The following FAT3 variants were observed in gnomAD, a reference collection of about 807,000 sequenced individuals.
FAT3 encodes protocadherin Fat 3.
FAT3 carries 95 observed loss-of-function variants against 310.2 expected under a neutral mutation model. The observed-to-expected ratio is 0.31, with a 90% CI of 0.26 to 0.36. The LOEUF (loss-of-function observed/expected upper bound fraction) is 0.36. FAT3 is among the 10% of genes least tolerant of loss of function. The probability of loss-of-function intolerance (pLI) is 1.00; values close to 1 mark genes in which losing one functional copy is unlikely to be tolerated. For synonymous variants in FAT3, 2,314 were observed against 2,192.9 expected, an observed-to-expected ratio of 1.06 and a Z score of -1.54; for missense variants, 5,408 against 5,715.6, an observed-to-expected ratio of 0.95 and a Z score of 1.74.
At chr11:92,322,401 G>A (rs921322076) in intron 1 of FAT3, among the ~76,000 whole-genome samples, 1 of 152,202 alleles carries the variant, frequency 6.6e-6, no homozygotes, top group African/African-American at 2.4e-5. Context: ...GTTGATGGCT[G>A]CTGCTGACTA....
At chr11:92,706,955 G>A (rs1944374354) in intron 4 of FAT3, among the ~76,000 whole-genome samples, 1 of 152,186 alleles carries the variant, frequency 6.6e-6, no homozygotes, top group African/African-American at 2.4e-5. Context: ...GATCTTTGGG[G>A]TACCTCAAGT....
At chr11:92,610,676 A>T (rs1225418803) in intron 3 of FAT3, among the ~76,000 whole-genome samples, 2 of 152,176 alleles carry the variant, frequency 1.3e-5, no homozygotes, top group African/African-American at 2.4e-5. Flanking sequence ...ATGATCCCAA[A>T]GCATCCACCG....
chr11:92,622,157 G>A (rs1363950732), intron 3 of FAT3, among the ~76,000 whole-genome samples: 2 of 151,924 alleles, frequency 1.3e-5, no homozygotes, highest in Admixed American at 6.6e-5. Flanking sequence ...ATGGTGGTGC[G>A]CCTGTAATCC....
chr11:92,231,416 T>G (rs1200994167), intron 1 of FAT3, among the ~76,000 whole-genome samples: 1 of 152,240 alleles, frequency 6.6e-6, no homozygotes, highest in Non-Finnish European at 1.5e-5. Flanking sequence ...GACTTGATCC[T>G]ACTTGTACTT....
Position 92,883,340 on chromosome 11 carries a change from G to A in FAT3, c.12884G>A (p.Cys4295Tyr), listed in dbSNP as rs372646480. 5 of 1,610,362 alleles carry A rather than the reference G, an allele frequency of 3.1e-6. No individual in the cohort carries two copies. Among genetic ancestry groups the A allele is most frequent in the African/African-American group, 2.7e-5 (2 of 74,890 alleles). Residue 4295 changes from cysteine (C) to tyrosine (Y), a missense_variant, in exon 24 of 28, where the codon TGC becomes TAC. Around this residue, in one of 5 missense-constraint regions of FAT3, gnomAD observed 649 missense variants for 666.2 expected, o/e 0.97. Coordinates refer to ENST00000525166, the MANE Select transcript of FAT3 (RefSeq NM_001367949.2). This position sits in a 1 kb window ranked among gnomAD's most constrained non-coding sequence, Gnocchi z 4.2. Reference protein sequence around the residue: ...VAPNLPAVSPCRSDCDSIRKN... With the variant: ...VAPNLPAVSPYRSDCDSIRKN... ...CCCAACCTCCCCGCCGTGTCACCCT[G>A]CCGCTCCGACTGCGACTCCATCCGG...
At position 92,261,407 on chromosome 11, in the gene FAT3, C is replaced by G. The variant is rs114506094; in HGVS notation, c.-18+36233C>G. Reference sequence around the variant, plus strand: ...ACTGAATGAATTAAAACTGGATTCCCCACTATACTTTGGGTACTAAAGGGG... The same window carrying G: ...ACTGAATGAATTAAAACTGGATTCCGCACTATACTTTGGGTACTAAAGGGG... On this transcript the variant is annotated intron_variant, in intron 1 of 27. Coordinates refer to ENST00000525166, the MANE Select transcript of FAT3 (RefSeq NM_001367949.2). Among the ~76,000 whole-genome samples the G allele has an allele frequency of 3.0e-3, 449 of 152,154 alleles. 2 individuals are homozygous for G. The highest frequency in any genetic ancestry group is 1.0e-2 in the African/African-American group (415 of 41,532).
chr11:92,580,153 AAGAAT>A, intron 3 of FAT3, among the ~76,000 whole-genome samples: 1 of 152,162 alleles, frequency 6.6e-6, no homozygotes, highest in Middle Eastern at 3.4e-3. Flanking sequence ...TGTTAAGGAA[AAGAAT>A]AGGTGAGTAT....
chr11:92,619,168 T>G (rs1181505721), intron 3 of FAT3, among the ~76,000 whole-genome samples: 1 of 152,224 alleles, frequency 6.6e-6, no homozygotes, highest in African/African-American at 2.4e-5. Context: ...TAAGCCAACT[T>G]TGTATTTGTG....
At chr11:92,868,368 C>T (rs752486557) in intron 22 of FAT3, among the ~76,000 whole-genome samples, 8 of 152,142 alleles carry the variant, frequency 5.3e-5, no homozygotes, top group Non-Finnish European at 1.0e-4. Flanking sequence ...AAATTTCTGT[C>T]GTCTCGATTT....
chr11:92,605,719 GTTTTT>G (rs5793613), intron 3 of FAT3, among the ~76,000 whole-genome samples: 20 of 99,748 alleles, frequency 2.0e-4, no homozygotes, highest in African/African-American at 7.5e-4. Context: ...AAATAGCTAT[GTTTTT>G]TTTTTTTTTT....
intron 2 of FAT3, among the ~76,000 whole-genome samples, chr11:92,504,303 C>CT (rs1335929255): frequency 6.6e-6 from 1 of 152,076 alleles, no homozygotes; most frequent in African/African-American, 2.4e-5. Context: ...TTCCACCCAT[C>CT]TTTTTTTCAA....
At position 92,752,411 on chromosome 11, in the gene FAT3, T is replaced by C. The variant is rs545789494; in HGVS notation, c.3670-9445T>C. Among the ~76,000 whole-genome samples, 2 of 152,354 alleles carry C rather than the reference T, an allele frequency of 1.3e-5. 1 individual carries two copies. Among genetic ancestry groups the C allele is most frequent in the South Asian group, 4.1e-4 (2 of 4,828 alleles). On this transcript the variant is annotated intron_variant, in intron 4 of 27. Transcript: ENST00000525166. ...AATTCAGTTTCCTTATTGGTTAAAT[T>C]GGTGTAAAAACAGTATCTATCTTGT... is the stretch of plus-strand genomic sequence containing the variant.
chr11:92,429,672 G>A (rs999026216), intron 2 of FAT3, among the ~76,000 whole-genome samples: 5 of 152,020 alleles, frequency 3.3e-5, no homozygotes, highest in Admixed American at 1.3e-4. Context: ...ATTCTGGGTG[G>A]AAAATTCTTT....
chr11:92,827,817 G>A (rs780845579), intron 13 of FAT3, among the ~76,000 whole-genome samples: 1 of 152,130 alleles, frequency 6.6e-6, no homozygotes, highest in Non-Finnish European at 1.5e-5. Flanking sequence ...GAGCAAAAGG[G>A]ATTTTAATCA....
At chr11:92,685,756 T>G (rs1479082403) in intron 3 of FAT3, among the ~76,000 whole-genome samples, 1 of 151,928 alleles carries the variant, frequency 6.6e-6, no homozygotes, top group Non-Finnish European at 1.5e-5. Context: ...TGAATAAAAA[T>G]ATGGTTGCCC....
At chr11:92,510,975 A>C (rs1953270159) in intron 2 of FAT3, among the ~76,000 whole-genome samples, 2 of 152,224 alleles carry the variant, frequency 1.3e-5, no homozygotes, top group African/African-American at 4.8e-5. Context: ...AAATCTGTGG[A>C]TGAGAGCCCA....
intron 3 of FAT3, among the ~76,000 whole-genome samples, chr11:92,651,128 T>G (rs957441997): frequency 2.0e-5 from 3 of 152,344 alleles, no homozygotes; most frequent in Admixed American, 2.0e-4. Flanking sequence ...TCTCCTATAG[T>G]TCCAGCATCT....
chr11:92,667,045 A>G (rs1294921290), intron 3 of FAT3, among the ~76,000 whole-genome samples: 1 of 152,066 alleles, frequency 6.6e-6, no homozygotes, highest in African/African-American at 2.4e-5. Flanking sequence ...ACCGAGAGCT[A>G]GGTATCTCTT....
intron 2 of FAT3, among the ~76,000 whole-genome samples, chr11:92,440,963 A>G (rs1023264512): frequency 2.0e-5 from 3 of 152,174 alleles, no homozygotes; most frequent in African/African-American, 7.2e-5. Flanking sequence ...CATTGTTTCC[A>G]ATCTCTTGCA....
Sources: gnomAD v4.1 joint callset for allele counts (sites outside exome capture counted in the v4.1 genomes callset) on GRCh38, gnomAD v4.1.1 for gene constraint, gnomAD v4.1.1 regional missense constraint, Gnocchi (gnomAD v3.1) non-coding constraint, MANE v1.5 for transcripts, NCBI Gene and HGNC (gene_info 2026-07-23, HGNC 2026-07-21) for gene names.